AFF2: variants seen among roughly 807,000 people sequenced by gnomAD.
AFF2 encodes AF4/FMR2 family member 2.
In AFF2, 14 loss-of-function variants were observed where a neutral mutation model predicts 76.9. That is an observed-to-expected ratio of 0.18 (90% CI 0.12 to 0.28). The LOEUF is 0.28. Ranked by LOEUF, AFF2 falls within the 10% of genes least tolerant of loss-of-function variation. The pLI, the probability that AFF2 is intolerant of heterozygous loss-of-function variation, is 1.00. For missense variants in AFF2, 868 were observed against 1,001.1 expected, an observed-to-expected ratio of 0.87 and a Z score of 1.79; for synonymous variants, 398 against 366.7, an observed-to-expected ratio of 1.09 and a Z score of -0.98.
intron 18 of AFF2, among the ~76,000 whole-genome samples, chrX:148,978,876 G>C (rs1167378388): frequency 1.8e-5 from 2 of 111,963 alleles, no homozygotes; most frequent in African/African-American, 6.5e-5. Flanking sequence ...CCACAACCCT[G>C]GAAGGCCTTT....
chrX:148,793,508 C>T (rs782234743), intron 3 of AFF2, among the ~76,000 whole-genome samples: 60 of 111,827 alleles, frequency 5.4e-4, no homozygotes, highest in Non-Finnish European at 1.0e-3. Context: ...CTCTCCTCCA[C>T]CCCTGCTGCT....
At chrX:148,621,706 T>G (rs1207739107) in intron 1 of AFF2, among the ~76,000 whole-genome samples, 1 of 111,659 alleles carries the variant, frequency 9.0e-6, no homozygotes, top group Admixed American at 9.5e-5. Context: ...TAGCTTTTTT[T>G]GAGTAAAATG....
chrX:148,966,976 C>A lies in AFF2; in HGVS notation c.3100C>A (p.Leu1034Ile), dbSNP rs782243009. The A allele has an allele frequency of 1.1e-4, 132 of 1,209,636 alleles. No individual in the cohort carries two copies. The highest frequency in any genetic ancestry group is 1.4e-4 in the Non-Finnish European group (129 of 895,192). Residue 1034 changes from leucine (L) to isoleucine (I), a missense_variant, in exon 14 of 21, where the codon CTC (leucine) becomes ATC (isoleucine). Physicochemically the swap from Leu to Ile is conservative, Grantham distance 5 (BLOSUM62 2). This residue lies in a region of AFF2 where 532 missense variants were observed against 564.2 expected (regional missense o/e 0.94). Coordinates refer to ENST00000370460, the MANE Select transcript of AFF2 (RefSeq NM_002025.4). ...STITSTITTG[L>I]MDSSHLEMTS... ...CATCACCTCTACCATCACTACTGGC[C>A]TCATGGATAGCAGTCACCTGGAGAT...
chrX:148,655,293 T>G (rs1489678465), intron 2 of AFF2, among the ~76,000 whole-genome samples: 3 of 106,887 alleles, frequency 2.8e-5, no homozygotes, highest in Admixed American at 2.0e-4. Flanking sequence ...TCCTTTTTTT[T>G]TTTTTTTCTG....
chrX:148,694,471 A>G (rs1377522816), intron 3 of AFF2, among the ~76,000 whole-genome samples: 4 of 111,800 alleles, frequency 3.6e-5, no homozygotes, highest in Non-Finnish European at 7.5e-5. Flanking sequence ...ATGTCCATCA[A>G]CTTTGCTAGA....
At chrX:148,743,357 T>C (rs782747175) in intron 3 of AFF2, among the ~76,000 whole-genome samples, 1 of 112,402 alleles carries the variant, frequency 8.9e-6, no homozygotes, top group East Asian at 2.8e-4. Context: ...ATCAAAGTTT[T>C]AATTTAAAAA....
At chrX:148,819,808 T>C (rs1353460827) in intron 4 of AFF2, among the ~76,000 whole-genome samples, 8 of 112,183 alleles carry the variant, frequency 7.1e-5, no homozygotes. Flanking sequence ...TTTGGATTAA[T>C]TTTTATGTGT....
intron 3 of AFF2, among the ~76,000 whole-genome samples, chrX:148,803,138 A>T (rs1003981586): frequency 9.0e-6 from 1 of 111,466 alleles, no homozygotes; most frequent in Non-Finnish European, 1.9e-5. Context: ...CTGCTTACCT[A>T]GGAATTTCAA....
At chrX:148,544,190 G>A (rs782351856) in intron 1 of AFF2, among the ~76,000 whole-genome samples, 1 of 112,158 alleles carries the variant, frequency 8.9e-6, no homozygotes, top group South Asian at 3.7e-4. Flanking sequence ...TAGCCTGCTC[G>A]AATTCATTAT....
chrX:148,640,192 G>T (rs1478857911), intron 1 of AFF2, among the ~76,000 whole-genome samples: 5 of 111,907 alleles, frequency 4.5e-5, no homozygotes, highest in East Asian at 2.8e-4. Context: ...GTTTTAATTT[G>T]CTTTTTTAAC....
At chrX:148,802,683 T>C (rs2070075800) in intron 3 of AFF2, among the ~76,000 whole-genome samples, 1 of 111,597 alleles carries the variant, frequency 9.0e-6, no homozygotes, top group Admixed American at 9.5e-5. Flanking sequence ...GACACATAAC[T>C]ACTGTTTCCT....
At chrX:148,583,012 A>G (rs782055058) in intron 1 of AFF2, among the ~76,000 whole-genome samples, 2 of 112,095 alleles carry the variant, frequency 1.8e-5, no homozygotes, top group African/African-American at 6.5e-5. Flanking sequence ...AAGGCCACAT[A>G]TTGTATGATT....
chrX:148,598,232 T>G (rs781915101), intron 1 of AFF2, among the ~76,000 whole-genome samples: 1 of 111,545 alleles, frequency 9.0e-6, no homozygotes, highest in South Asian at 3.7e-4. Context: ...ATTTGCTAAA[T>G]TTTGGCCATA....
intron 9 of AFF2, among the ~76,000 whole-genome samples, chrX:148,910,444 G>T (rs142329202): frequency 8.9e-6 from 1 of 112,231 alleles, no homozygotes; most frequent in African/African-American, 3.2e-5. Context: ...AGATAAAATC[G>T]GTTTGTAAAA....
intron 1 of AFF2, among the ~76,000 whole-genome samples, chrX:148,512,600 A>C (rs1557233269): frequency 8.9e-6 from 1 of 112,597 alleles, no homozygotes; most frequent in African/African-American, 3.2e-5. Context: ...TGATTAATTT[A>C]TAAGGATATT....
chrX:148,944,066 C>T (rs1366719762), intron 9 of AFF2, among the ~76,000 whole-genome samples: 1 of 112,046 alleles, frequency 8.9e-6, no homozygotes, highest in Non-Finnish European at 1.9e-5. Flanking sequence ...ACATAAAGCA[C>T]GGAAAAAGGC....
intron 1 of AFF2, among the ~76,000 whole-genome samples, chrX:148,590,538 TA>T: frequency 8.9e-6 from 1 of 111,999 alleles, no homozygotes; most frequent in Non-Finnish European, 1.9e-5. Context: ...TGCCTCTTTA[TA>T]TTCTTAGCTA....
chrX:148,544,283 C>T (rs1184007964), intron 1 of AFF2, among the ~76,000 whole-genome samples: 2 of 112,536 alleles, frequency 1.8e-5, no homozygotes, highest in Non-Finnish European at 3.8e-5. Context: ...TTGGGATTTG[C>T]CATTTGAATT....
chrX:148,753,218 G>A (rs964576192), intron 3 of AFF2, among the ~76,000 whole-genome samples: 1 of 112,008 alleles, frequency 8.9e-6, no homozygotes, highest in African/African-American at 3.2e-5. Context: ...TTTTCTGGAA[G>A]TCATGAAAGA....
Sources: allele counts gnomAD v4.1 joint callset (sites outside exome capture counted in the v4.1 genomes callset), GRCh38; gene constraint gnomAD v4.1.1; regional missense constraint gnomAD v4.1.1; transcripts MANE v1.5; gene names NCBI Gene and HGNC (gene_info 2026-07-23, HGNC 2026-07-21).